Variants in ATF3 observed in about 807,000 individuals in gnomAD.
ATF3 encodes the protein activating transcription factor 3, also known as cyclic AMP-dependent transcription factor ATF-3.
Under a neutral mutation model 18.4 loss-of-function variants are expected in ATF3, and 10 were observed. The observed-to-expected ratio is 0.54, with a 90% CI of 0.34 to 0.92. ATF3 has a LOEUF of 0.92. Ranked by LOEUF, ATF3 falls within the 40% of genes least tolerant of loss-of-function variation. ATF3 has a pLI of 0.02. For synonymous variants in ATF3, 78 were observed against 87.9 expected, an observed-to-expected ratio of 0.89 and a Z score of 0.63; for missense variants, 183 against 222.3, an observed-to-expected ratio of 0.82 and a Z score of 1.12.
chr1:212,581,749 A>C (rs954171042), intron 1 of ATF3, among the ~76,000 whole-genome samples: 11 of 152,200 alleles, frequency 7.2e-5, no homozygotes, highest in African/African-American at 2.7e-4. Flanking sequence ...TAATATATAC[A>C]TGTGAAATAT....
At chr1:212,589,773 ATCGG>A (rs1269267351) in intron 1 of ATF3, among the ~76,000 whole-genome samples, 2 of 151,028 alleles carry the variant, frequency 1.3e-5, no homozygotes, top group Non-Finnish European at 3.0e-5. Context: ...AAGCTAATTG[ATCGG>A]TCCTGATCAC....
chr1:212,570,707 T>C (rs74138379), intron 1 of ATF3, among the ~76,000 whole-genome samples: 3,168 of 152,312 alleles, frequency 0.021, 102 homozygotes, highest in African/African-American at 0.071. Flanking sequence ...TTATATGGAA[T>C]GGAGTCACAC....
chr1:212,591,539 C>T (rs966421664), intron 1 of ATF3, among the ~76,000 whole-genome samples: 1 of 152,040 alleles, frequency 6.6e-6, no homozygotes, highest in Admixed American at 6.5e-5. Context: ...TGCTCTCCAT[C>T]CCCCCCGCCC....
chr1:212,618,759 C>T lies in ATF3; in HGVS notation c.348+525C>T. Reference sequence around the variant, plus strand: ...CCCTGGCTGCGTTCAGCCGGCCCGCCTGAGAGACACTAGGGGAAATAGCTT... The same window carrying T: ...CCCTGGCTGCGTTCAGCCGGCCCGCTTGAGAGACACTAGGGGAAATAGCTT... On this transcript the variant is annotated intron_variant, in intron 3 of 3. Transcript: ENST00000341491. This position sits in a 1 kb window ranked among gnomAD's most constrained non-coding sequence, Gnocchi z 4.4. 3 of 522,190 alleles carry T rather than the reference C, an allele frequency of 5.7e-6. No homozygotes were observed. In the South Asian group the frequency reaches 6.2e-5, roughly 11 times the overall value. 32.3% of individuals were successfully genotyped at this position (522,190 alleles called of 1,614,324 possible).
At chr1:212,577,979 T>C (rs1191158812) in intron 1 of ATF3, among the ~76,000 whole-genome samples, 1 of 152,252 alleles carries the variant, frequency 6.6e-6, no homozygotes, top group African/African-American at 2.4e-5. Context: ...TAATTCTATT[T>C]TTAATTTTTT....
At chr1:212,612,140 A>AT (rs1274637897) in intron 1 of ATF3, among the ~76,000 whole-genome samples, 1 of 152,198 alleles carries the variant, frequency 6.6e-6, no homozygotes, top group Non-Finnish European at 1.5e-5. Context: ...ATCTCGACAG[A>AT]TACATCTGTT....
intron 1 of ATF3, among the ~76,000 whole-genome samples, chr1:212,575,924 T>G (rs1219957724): frequency 3.3e-5 from 5 of 152,170 alleles, no homozygotes; most frequent in African/African-American, 9.6e-5. Context: ...AAAAATGAGA[T>G]TAAGTTATAA....
intron 1 of ATF3, among the ~76,000 whole-genome samples, chr1:212,578,260 C>T (rs1309976534): frequency 6.6e-6 from 1 of 152,226 alleles, no homozygotes; most frequent in Non-Finnish European, 1.5e-5. Context: ...CCTCCTTTCT[C>T]TTCTTTCAGA....
At position 212,576,813 on chromosome 1, in the gene ATF3, C is replaced by T. The variant is rs547201341; in HGVS notation, c.-5+11330C>T. On this transcript the variant is annotated intron_variant, in intron 1 of 3. Coordinates refer to the ATF3 transcript ENST00000366981. Reference sequence around the variant, plus strand: ...TGTGATCTCGGCTCACTGCAACCTCCGCCTCCCGGGTTCAAGTGATTCTCC... The same window carrying T: ...TGTGATCTCGGCTCACTGCAACCTCTGCCTCCCGGGTTCAAGTGATTCTCC... 1.7e-4 allele frequency among the ~76,000 whole-genome samples: 25 copies of T among 143,028 alleles called. No homozygotes were observed. The East Asian group carries it at 1.9e-3, about 11-fold the overall frequency. The allele number at this position is 143,028 out of a possible 152,430, so 93.8% of individuals were successfully genotyped here.
chr1:212,570,226 A>G (rs1361822137), intron 1 of ATF3, among the ~76,000 whole-genome samples: 1 of 152,208 alleles, frequency 6.6e-6, no homozygotes, highest in Non-Finnish European at 1.5e-5. Context: ...GAGAGATTTT[A>G]AGATTTAAAG....
chr1:212,584,323 G>C lies in ATF3; in HGVS notation c.-5+18840G>C, dbSNP rs959069273. ...AAACCAATAAGATGCATGTGTATAAGAGATTTATTGTAAGGGACTTGGCTC... is the reference window on the plus strand; with the variant it reads ...AAACCAATAAGATGCATGTGTATAACAGATTTATTGTAAGGGACTTGGCTC... On this transcript the variant is annotated intron_variant, in intron 1 of 3. Coordinates refer to the ATF3 transcript ENST00000366981. Among the ~76,000 whole-genome samples, 4 of 152,106 alleles carry C rather than the reference G, an allele frequency of 2.6e-5. No homozygotes were observed. The South Asian group carries it at 8.3e-4, about 32-fold the overall frequency.
intron 1 of ATF3, among the ~76,000 whole-genome samples, chr1:212,588,871 C>T (rs182991724): frequency 2.0e-5 from 3 of 152,322 alleles, no homozygotes; most frequent in South Asian, 2.1e-4. Context: ...CCTTCAAATG[C>T]TCAAAATGAT....
rs761172217 is a variant in ATF3, at chr1:212,620,526, A to AT, written c.*973dup. 3.9e-5 allele frequency: 6 copies of AT among 152,566 alleles called. No homozygotes were observed. Among genetic ancestry groups the AT allele is most frequent in the Non-Finnish European group, 8.8e-5 (6 of 68,022 alleles). The allele number at this position is 152,566 out of a possible 1,614,324, so 9.5% of individuals were successfully genotyped here. A position where few individuals can be genotyped will look rare whatever the true frequency, so the allele number is the denominator to read the frequency against. On this transcript the variant is annotated 3_prime_UTR_variant, in exon 4 of 4. Transcript: ENST00000341491. ...TTTAGCATTATTGGATGTCAATAGC[A>AT]TTGTTTTTGTCATGTAGCTGTTTTA...
At chr1:212,601,811 C>T (rs947353187) in intron 1 of ATF3, among the ~76,000 whole-genome samples, 1 of 152,106 alleles carries the variant, frequency 6.6e-6, no homozygotes, top group African/African-American at 2.4e-5. Context: ...AGGGTCTAGA[C>T]ACTTTGGTGT....
intron 1 of ATF3, among the ~76,000 whole-genome samples, chr1:212,584,082 A>G (rs1250631487): frequency 3.3e-5 from 5 of 152,104 alleles, no homozygotes; most frequent in Non-Finnish European, 7.4e-5. Flanking sequence ...CAGGGTACTC[A>G]TAGTACTTGT....
intron 2 of ATF3, among the ~76,000 whole-genome samples, chr1:212,615,491 G>A (rs1006400358): frequency 1.3e-5 from 2 of 152,020 alleles, no homozygotes; most frequent in African/African-American, 2.4e-5. Flanking sequence ...CAGAGAGAAC[G>A]GGTAGGGATG....
chr1:212,606,213 A>T (rs1016215520), upstream of ATF3, among the ~76,000 whole-genome samples: 4 of 152,162 alleles, frequency 2.6e-5, no homozygotes, highest in Non-Finnish European at 5.9e-5. Context: ...GGCTGAGGGG[A>T]GGGAGGCAGG....
chr1:212,604,138 A>G (rs1654559290), upstream of ATF3, among the ~76,000 whole-genome samples: 1 of 152,038 alleles, frequency 6.6e-6, no homozygotes, highest in Non-Finnish European at 1.5e-5. Flanking sequence ...CTACTATCTC[A>G]TTTGATTCTT....
Position 212,618,889 on chromosome 1 carries a change from C to A in ATF3, c.349-469C>A. 2.1e-6 allele frequency: 2 copies of A among 943,300 alleles called. No individual in the cohort carries two copies. The highest frequency in any genetic ancestry group is 3.3e-6 in the Non-Finnish European group (2 of 610,516). 58.4% of individuals were successfully genotyped at this position (943,300 alleles called of 1,614,324 possible). A position where few individuals can be genotyped will look rare whatever the true frequency, so the allele number is the denominator to read the frequency against. ...TGACAGAGTCTTAGCCCAAGTCCCA[C>A]AGATCCCCAAAAGTTCTGTTGATTG... On this transcript the variant is annotated intron_variant, in intron 3 of 3. Transcript: ENST00000341491. The surrounding 1 kb of genome is among the most constrained non-coding windows in gnomAD (Gnocchi z 4.4).
Sources: allele counts gnomAD v4.1 joint callset (sites outside exome capture counted in the v4.1 genomes callset), GRCh38; gene constraint gnomAD v4.1.1; non-coding constraint Gnocchi (gnomAD v3.1); transcripts MANE v1.5; gene names NCBI Gene and HGNC (gene_info 2026-07-23, HGNC 2026-07-21).